Variants in CDH4 observed in about 807,000 individuals in gnomAD.
CDH4 encodes the protein cadherin 4, also known as cadherin-4.
A neutral mutation model predicts 86.0 loss-of-function variants in CDH4; 33 were observed. The ratio of observed to expected loss-of-function variants is 0.38; its 90% CI spans 0.29 to 0.51. The LOEUF is 0.51. CDH4 is among the 20% of genes least tolerant of loss of function. The pLI is 0.86. For synonymous variants in CDH4, 555 were observed against 549.4 expected (o/e 1.01, Z -0.14); for missense variants, 1,114 against 1,307.4 (o/e 0.85, Z 2.28).
chr20:61,873,022 T>C (rs1983872810), intron 6 of CDH4, among the ~76,000 whole-genome samples: 1 of 152,108 alleles, frequency 6.6e-6, no homozygotes, highest in African/African-American at 2.4e-5. Flanking sequence ...TCTCAGAAAG[T>C]GGGGAATGTG....
chr20:61,650,684 TA>T (rs1247513147), intron 2 of CDH4, among the ~76,000 whole-genome samples: 1 of 152,236 alleles, frequency 6.6e-6, no homozygotes, highest in Non-Finnish European at 1.5e-5. Flanking sequence ...TCCACCCATA[TA>T]CTGAGTTTAT....
At chr20:61,602,669 T>C (rs1225670776) in intron 2 of CDH4, among the ~76,000 whole-genome samples, 1 of 140,138 alleles carries the variant, frequency 7.1e-6, no homozygotes, top group Non-Finnish European at 1.5e-5. Context: ...CGCTTTCTGA[T>C]GCTGGGTTTA....
intron 2 of CDH4, among the ~76,000 whole-genome samples, chr20:61,594,832 A>T (rs1302069001): frequency 6.6e-6 from 1 of 152,240 alleles, no homozygotes; most frequent in African/African-American, 2.4e-5. Context: ...GGCTTTTTCA[A>T]GACAGACAAA....
intron 2 of CDH4, among the ~76,000 whole-genome samples, chr20:61,427,963 C>T (rs1199942077): frequency 3.9e-5 from 6 of 151,980 alleles, no homozygotes; most frequent in Admixed American, 3.9e-4. Flanking sequence ...ACAACCAAAC[C>T]AGCTGGAGAA....
chr20:61,293,278 G>T (rs2123187481), intron 2 of CDH4, among the ~76,000 whole-genome samples: 1 of 152,322 alleles, frequency 6.6e-6, no homozygotes, highest in Non-Finnish European at 1.5e-5. Flanking sequence ...GATGAGGGTG[G>T]ATGAGAGTGG....
At chr20:61,930,360 C>G (rs2055091853) in intron 13 of CDH4, among the ~76,000 whole-genome samples, 1 of 152,254 alleles carries the variant, frequency 6.6e-6, no homozygotes, top group Admixed American at 6.5e-5. Flanking sequence ...TTTCCCACAA[C>G]CACTGTGGGT....
intron 7 of CDH4, among the ~76,000 whole-genome samples, chr20:61,893,017 G>T: frequency 1.4e-5 from 2 of 145,272 alleles, no homozygotes; most frequent in Middle Eastern, 3.6e-3. Flanking sequence ...GGATGGGTGG[G>T]TGGGAGGGTG....
intron 2 of CDH4, among the ~76,000 whole-genome samples, chr20:61,484,631 C>T (rs527615046): frequency 1.2e-4 from 19 of 152,290 alleles, no homozygotes; most frequent in South Asian, 4.1e-4. Flanking sequence ...TTGGGTGGCT[C>T]GCATTTGCTG....
chr20:61,265,593 A>C (rs960873819), intron 2 of CDH4, among the ~76,000 whole-genome samples: 3 of 152,158 alleles, frequency 2.0e-5, no homozygotes, highest in African/African-American at 4.8e-5. Flanking sequence ...TGGCTCCTTC[A>C]TTCAGTCTTA....
intron 2 of CDH4, among the ~76,000 whole-genome samples, chr20:61,671,116 G>T (rs2087381765): frequency 7.0e-6 from 1 of 142,850 alleles, no homozygotes. Context: ...ATGATGAATA[G>T]GTGGATGGGT....
At chr20:61,553,668 A>T (rs552030316) in intron 2 of CDH4, among the ~76,000 whole-genome samples, 2 of 152,230 alleles carry the variant, frequency 1.3e-5, no homozygotes, top group Non-Finnish European at 2.9e-5. Context: ...CCATCATTGC[A>T]TGAGCATCTC....
At chr20:61,802,721 G>A (rs1004093272) in intron 4 of CDH4, among the ~76,000 whole-genome samples, 7 of 152,196 alleles carry the variant, frequency 4.6e-5, no homozygotes, top group Non-Finnish European at 8.8e-5. Context: ...CCTGGGGGCC[G>A]GGCAGGGGGA....
intron 2 of CDH4, among the ~76,000 whole-genome samples, chr20:61,456,893 G>A (rs1384872331): frequency 6.6e-6 from 1 of 152,204 alleles, no homozygotes; most frequent in East Asian, 1.9e-4. Flanking sequence ...CTGGGGGTGA[G>A]TAAGTTAACA....
rs970499588 is a variant in CDH4 at position 61,516,776 on chromosome 20, A to G, written c.170-226787A>G. 3.3e-5 allele frequency among the ~76,000 whole-genome samples: 5 copies of G among 152,116 alleles called. No homozygotes were observed. The highest frequency in any genetic ancestry group is 1.2e-4 in the African/African-American group (5 of 41,400). On this transcript the variant is annotated intron_variant, in intron 2 of 15. Coordinates refer to ENST00000614565, the MANE Select transcript of CDH4 (RefSeq NM_001794.5). The surrounding 1 kb of genome is among the most constrained non-coding windows in gnomAD (Gnocchi z 4.0). The stretch of plus-strand genomic sequence containing the variant: ...ACCAGGCTCCGTTCCCAGGTCAGTG[A>G]GTGTCGGTTTGGCGATCACACTTGC...
intron 3 of CDH4, among the ~76,000 whole-genome samples, chr20:61,756,508 C>A (rs1223184062): frequency 6.8e-5 from 10 of 147,192 alleles, no homozygotes; most frequent in Non-Finnish European, 1.5e-4. Context: ...ATCCCCCAGG[C>A]CCATCCCCCC....
chr20:61,539,589 A>G (rs909470853), intron 2 of CDH4, among the ~76,000 whole-genome samples: 1 of 152,224 alleles, frequency 6.6e-6, no homozygotes, highest in Non-Finnish European at 1.5e-5. Flanking sequence ...GCCCAGCTCC[A>G]AATACAGCCA....
rs1479360212 is a variant in CDH4, at chr20:61,516,111, C to T, written c.170-227452C>T. The stretch of plus-strand genomic sequence containing the variant: ...GGCTCGCCTCGTGCTCTGCGTTGCA[C>T]TGGCAGAGGGGCAGCACAGGACTTA... On this transcript the variant is annotated intron_variant, in intron 2 of 15. Transcript: ENST00000614565. The surrounding 1 kb of genome is among the most constrained non-coding windows in gnomAD (Gnocchi z 4.0). Among the ~76,000 whole-genome samples, 1 of 152,222 alleles carries T rather than the reference C, an allele frequency of 6.6e-6. No homozygotes were observed. Among genetic ancestry groups the T allele is most frequent in the Non-Finnish European group, 1.5e-5 (1 of 68,034 alleles).
chr20:61,428,037 C>G (rs6089566), intron 2 of CDH4, among the ~76,000 whole-genome samples: 4,336 of 152,258 alleles, frequency 0.028, 97 homozygotes, highest in Non-Finnish European at 0.044. Flanking sequence ...GGTATTCCCC[C>G]AGACCTTGCT....
intron 2 of CDH4, among the ~76,000 whole-genome samples, chr20:61,562,993 G>A (rs765663887): frequency 6.6e-6 from 1 of 152,198 alleles, no homozygotes; most frequent in Non-Finnish European, 1.5e-5. Flanking sequence ...GGGCACCAGT[G>A]GCCCTGCACT....
Sources: gnomAD v4.1 joint callset for allele counts (sites outside exome capture counted in the v4.1 genomes callset) on GRCh38, gnomAD v4.1.1 for gene constraint, Gnocchi (gnomAD v3.1) non-coding constraint, MANE v1.5 for transcripts, NCBI Gene and HGNC (gene_info 2026-07-23, HGNC 2026-07-21) for gene names.